ADCY2: variants seen among roughly 807,000 people sequenced by gnomAD.
ADCY2 encodes adenylate cyclase 2.
A neutral mutation model predicts 125.2 loss-of-function variants in ADCY2; 31 were observed. That is an observed-to-expected ratio of 0.25 (90% CI 0.19 to 0.33). The LOEUF (loss-of-function observed/expected upper bound fraction) is 0.33, where lower values mean the gene tolerates loss of function less well. Among genes scored for constraint, ADCY2 ranks in the 10% least tolerant of loss-of-function variants. ADCY2 has a pLI of 1.00. For missense variants in ADCY2, 904 were observed against 1,418.2 expected (o/e 0.64, Z 5.82); for synonymous variants, 512 against 548.4 (o/e 0.93, Z 0.93).
At chr5:7,735,766 A>G (rs1026386153) in intron 14 of ADCY2, among the ~76,000 whole-genome samples, 2 of 152,310 alleles carry the variant, frequency 1.3e-5, no homozygotes, top group South Asian at 4.1e-4. Context: ...CATTCATAAG[A>G]GATACTGATT....
rs1255955685 is a variant in ADCY2 at position 7,444,140 on chromosome 5, G to T, written c.408+29370G>T. Among the ~76,000 whole-genome samples the T allele has an allele frequency of 2.3e-5, 3 of 132,328 alleles. No homozygotes were observed. The East Asian group carries it at 6.5e-4, about 29-fold the overall frequency. 86.8% of individuals were successfully genotyped at this position (132,328 alleles called of 152,430 possible). On this transcript the variant is annotated intron_variant, in intron 2 of 24. Transcript: ENST00000338316. ...TTTTTTTTTTTTTTTTTGAGACGGA[G>T]TCTCGCTCTGTCTCCCCGGCTGGAG...
intron 4 of ADCY2, among the ~76,000 whole-genome samples, chr5:7,629,960 T>G (rs1459714377): frequency 1.3e-5 from 2 of 152,260 alleles, no homozygotes; most frequent in African/African-American, 2.4e-5. Flanking sequence ...AAACCCTCTT[T>G]AATTTATATA....
intron 2 of ADCY2, among the ~76,000 whole-genome samples, chr5:7,493,906 G>C (rs1743255076): frequency 6.6e-6 from 1 of 152,036 alleles, no homozygotes; most frequent in Non-Finnish European, 1.5e-5. Flanking sequence ...TGTACCCCTG[G>C]CTCAGGTCCA....
At chr5:7,447,351 A>T (rs976648285) in intron 2 of ADCY2, among the ~76,000 whole-genome samples, 4 of 152,168 alleles carry the variant, frequency 2.6e-5, no homozygotes, top group African/African-American at 9.7e-5. Context: ...CCTCAGAGGA[A>T]AGGGCTTGCA....
chr5:7,572,374 G>A (rs1423938284), intron 3 of ADCY2, among the ~76,000 whole-genome samples: 1 of 151,756 alleles, frequency 6.6e-6, no homozygotes, highest in Non-Finnish European at 1.5e-5. Context: ...TTTTCATTGT[G>A]GTTTTCATTT....
intron 16 of ADCY2, among the ~76,000 whole-genome samples, chr5:7,759,375 A>C (rs1012050541): frequency 6.6e-6 from 1 of 152,156 alleles, no homozygotes; most frequent in African/African-American, 2.4e-5. Flanking sequence ...CAGAGCAGCT[A>C]GTTCAAAGGC....
intron 2 of ADCY2, among the ~76,000 whole-genome samples, chr5:7,481,439 T>C (rs915322239): frequency 1.3e-4 from 19 of 151,416 alleles, no homozygotes; most frequent in African/African-American, 4.6e-4. Flanking sequence ...GCTAATTTTT[T>C]GTATTTTTTA....
chr5:7,553,854 G>A (rs1735421613), intron 3 of ADCY2, among the ~76,000 whole-genome samples: 2 of 152,124 alleles, frequency 1.3e-5, no homozygotes, highest in Admixed American at 6.5e-5. Context: ...TGTTCCCAGT[G>A]GGACACAGAG....
chr5:7,416,346 C>G (rs1472253943), intron 2 of ADCY2, among the ~76,000 whole-genome samples: 1 of 152,184 alleles, frequency 6.6e-6, no homozygotes, highest in African/African-American at 2.4e-5. Context: ...TTATCACTCT[C>G]CCACTAGAGC....
At chr5:7,668,532 A>G (rs1739831704) in intron 4 of ADCY2, among the ~76,000 whole-genome samples, 1 of 152,262 alleles carries the variant, frequency 6.6e-6, no homozygotes, top group Non-Finnish European at 1.5e-5. Context: ...ATCACTAGAA[A>G]TCAGAAGAAT....
chr5:7,535,918 T>G (rs895690941), intron 3 of ADCY2, among the ~76,000 whole-genome samples: 1 of 152,178 alleles, frequency 6.6e-6, no homozygotes, highest in Non-Finnish European at 1.5e-5. Flanking sequence ...TCACCTAACT[T>G]TAGCTATTTA....
intron 5 of ADCY2, among the ~76,000 whole-genome samples, chr5:7,692,833 G>T (rs552731018): frequency 6.6e-6 from 1 of 152,074 alleles, no homozygotes; most frequent in African/African-American, 2.4e-5. Flanking sequence ...TATGTTGGGG[G>T]CTCTCTCTTA....
chr5:7,829,173 C>T lies in ADCY2; in HGVS notation c.*2302C>T, dbSNP rs1423881045. ...TTATCAAAAATGCAAATTCTCAGGC[C>T]CCAACCTGAAGGAGGACCCTGAATT... is the stretch of plus-strand genomic sequence containing the variant. On this transcript the variant is annotated 3_prime_UTR_variant, in exon 25 of 25. Coordinates refer to ENST00000338316, the MANE Select transcript of ADCY2 (RefSeq NM_020546.3). 1 of 152,432 alleles carries T rather than the reference C, an allele frequency of 6.6e-6. No homozygotes were observed. The highest frequency in any genetic ancestry group is 1.5e-5 in the Non-Finnish European group (1 of 68,062). 9.4% of individuals were successfully genotyped at this position (152,432 alleles called of 1,614,324 possible).
intron 2 of ADCY2, among the ~76,000 whole-genome samples, chr5:7,472,457 A>G (rs1359202632): frequency 2.6e-5 from 4 of 152,074 alleles, no homozygotes; most frequent in Non-Finnish European, 5.9e-5. Flanking sequence ...AATCATAGAC[A>G]TTTTAAATTC....
chr5:7,723,552 A>G (rs1363005771), intron 12 of ADCY2, among the ~76,000 whole-genome samples: 1 of 152,194 alleles, frequency 6.6e-6, no homozygotes, highest in South Asian at 2.1e-4. Flanking sequence ...GATACATAGT[A>G]CTTATGCATG....
intron 4 of ADCY2, among the ~76,000 whole-genome samples, chr5:7,688,204 T>G (rs1042311645): frequency 6.6e-6 from 1 of 152,128 alleles, no homozygotes; most frequent in African/African-American, 2.4e-5. Context: ...CATGCCTCCC[T>G]TCTCCCATCA....
chr5:7,707,826 G>A lies in ADCY2; in HGVS notation c.1389G>A (p.Val463=). ...LKQHLVKTYF[V]INPKGERRSP... The stretch of plus-strand genomic sequence containing the variant: ...AGCACCTGGTGAAAACCTACTTTGT[G>A]ATCAACCCCAAGGTCAGTATCATTG... The change falls in exon 9 of 25, where the codon GTG becomes GTA. Residue 463 remains valine (V), a synonymous_variant. Transcript: ENST00000338316. 1 of 1,614,056 alleles carries A rather than the reference G, an allele frequency of 6.2e-7. No homozygotes were observed. The highest frequency in any genetic ancestry group is 2.2e-5 in the East Asian group (1 of 44,858).
At chr5:7,549,751 C>G (rs986636125) in intron 3 of ADCY2, among the ~76,000 whole-genome samples, 11 of 152,100 alleles carry the variant, frequency 7.2e-5, no homozygotes, top group Non-Finnish European at 1.3e-4. Flanking sequence ...TCTCATTGTG[C>G]AGGAACATGA....
chr5:7,698,123 T>C, intron 6 of ADCY2, 124 bp from the exon 7 acceptor site: 1 of 1,185,748 alleles, frequency 8.4e-7, no homozygotes, highest in Non-Finnish European at 1.2e-6. Context: ...CAACTGGTTC[T>C]CATTGCTCTC....
Sources: allele counts gnomAD v4.1 joint callset (sites outside exome capture counted in the v4.1 genomes callset), GRCh38; gene constraint gnomAD v4.1.1; transcripts MANE v1.5; gene names NCBI Gene and HGNC (gene_info 2026-07-23, HGNC 2026-07-21).